The following NT5C3A variants were observed in gnomAD, a reference collection of about 807,000 sequenced individuals.
NT5C3A encodes the protein cytosolic 5'-nucleotidase 3A.
Under a neutral mutation model 40.0 loss-of-function variants are expected in NT5C3A, and 23 were observed. The observed-to-expected ratio is 0.58, with a 90% CI of 0.41 to 0.81. The LOEUF (loss-of-function observed/expected upper bound fraction) is 0.81, where lower values mean the gene tolerates loss of function less well. Ranked by LOEUF, NT5C3A falls within the 40% of genes least tolerant of loss-of-function variation. NT5C3A has a pLI of 0.00. For missense variants in NT5C3A, 328 were observed against 403.0 expected, an observed-to-expected ratio of 0.81 and a Z score of 1.59; for synonymous variants, 130 against 141.4, an observed-to-expected ratio of 0.92 and a Z score of 0.57.
intron 1 of NT5C3A, chr7:33,040,994 A>C: frequency 2.0e-6 from 2 of 985,428 alleles, no homozygotes; most frequent in African/African-American, 3.5e-5. Context: ...CTATGCAAAA[A>C]CCTTGTGACG....
intron 1 of NT5C3A, among the ~76,000 whole-genome samples, chr7:33,034,152 A>C (rs1175486278): frequency 6.6e-6 from 1 of 152,052 alleles, no homozygotes; most frequent in Non-Finnish European, 1.5e-5. Context: ...CGGCCTCTCA[A>C]AGTGCTGGGA....
intron 1 of NT5C3A, among the ~76,000 whole-genome samples, chr7:33,028,654 C>T (rs1174072871): frequency 1.3e-5 from 2 of 152,168 alleles, no homozygotes; most frequent in African/African-American, 4.8e-5. Context: ...GAGAATCTCA[C>T]CACGTAAATC....
At chr7:33,043,292 A>G (rs367710755) in intron 1 of NT5C3A, among the ~76,000 whole-genome samples, 5 of 152,342 alleles carry the variant, frequency 3.3e-5, no homozygotes, top group African/African-American at 2.4e-5. Context: ...ATCTTTATAC[A>G]AGTATAGGAA....
intron 1 of NT5C3A, among the ~76,000 whole-genome samples, chr7:33,040,054 G>A (rs1185809852): frequency 1.3e-5 from 2 of 151,998 alleles, no homozygotes; most frequent in Non-Finnish European, 2.9e-5. Context: ...AATTTATACT[G>A]ACAACCCTTA....
chr7:33,062,648 G>C lies in NT5C3A; in HGVS notation c.58C>G (p.Leu20Val), dbSNP rs1787830599. The C allele has an allele frequency of 6.3e-7, 1 of 1,598,014 alleles. No individual in the cohort carries two copies. Among genetic ancestry groups the C allele is most frequent in the African/African-American group, 1.3e-5 (1 of 74,304 alleles). ...TGAGCCAGCACCACCCCCGCCACCA[G>C]GGCGCACACGCTGGCGCTCGCTACC... ...GAVASASVCA[L>V]VAGVVLAQYI... The change falls in exon 1 of 9, where the codon CTG becomes GTG. Residue 20 changes from leucine (L) to valine (V), a missense_variant. Coordinates refer to ENST00000610140, the MANE Select transcript of NT5C3A (RefSeq NM_001002010.5).
chr7:33,061,031 A>G (rs1370304090), intron 1 of NT5C3A, among the ~76,000 whole-genome samples: 1 of 152,192 alleles, frequency 6.6e-6, no homozygotes, highest in East Asian at 1.9e-4. Flanking sequence ...AAAGATAGCA[A>G]ACTGTTCCTA....
rs1011152171 is a variant in NT5C3A, at chr7:33,035,193, T to G, written c.139-8278A>C. Among the ~76,000 whole-genome samples the G allele has an allele frequency of 3.4e-5, 5 of 144,964 alleles. No homozygotes were observed. In the South Asian group the frequency reaches 6.8e-4, roughly 20 times the overall value. On this transcript the variant is annotated intron_variant, in intron 1 of 8. Coordinates refer to ENST00000610140, the MANE Select transcript of NT5C3A (RefSeq NM_001002010.5). ...ATAGAAGCTAATAAGGAATGAGTTT[T>G]TTTTTTTTTTTTTTTTTTGAGACGG... is the stretch of plus-strand genomic sequence containing the variant.
At chr7:33,024,204 T>C (rs1785791854) in intron 2 of NT5C3A, 96 bp from the exon 3 acceptor site, 2 of 727,098 alleles carry the variant, frequency 2.8e-6, no homozygotes, top group Non-Finnish European at 2.5e-6. Context: ...CTTTCCTAGA[T>C]GCATAGGACT....
At chr7:33,041,640 C>T (rs572609687) in intron 1 of NT5C3A, among the ~76,000 whole-genome samples, 3 of 151,844 alleles carry the variant, frequency 2.0e-5, no homozygotes, top group South Asian at 4.2e-4. Context: ...TAAGACCAGC[C>T]ATAAAATCTG....
intron 1 of NT5C3A, among the ~76,000 whole-genome samples, chr7:33,054,011 GT>G (rs1323837923): frequency 1.3e-5 from 2 of 152,076 alleles, no homozygotes; most frequent in African/African-American, 4.8e-5. Flanking sequence ...ACATTTCCAC[GT>G]TTACAAATTT....
At chr7:33,023,205 C>A (rs1389059114) in intron 3 of NT5C3A, among the ~76,000 whole-genome samples, 1 of 152,002 alleles carries the variant, frequency 6.6e-6, no homozygotes, top group Non-Finnish European at 1.5e-5. Context: ...AGCCACTGTG[C>A]CTGGCGATTT....
In NT5C3A at chr7:33,014,170, A is replaced by G. The variant is rs1161621963; in HGVS notation, c.*560T>C. ...ATTTCATATTTATTATCAGTGCTTC[A>G]ATATAGAATGTTTTGTAATGATTAG... is the stretch of plus-strand genomic sequence containing the variant. On this transcript the variant is annotated 3_prime_UTR_variant, in exon 9 of 9. Coordinates refer to ENST00000610140, the MANE Select transcript of NT5C3A (RefSeq NM_001002010.5). 2.2e-6 allele frequency: 1 copy of G among 451,842 alleles called. No homozygotes were observed. Among genetic ancestry groups the G allele is most frequent in the African/African-American group, 2.0e-5 (1 of 49,904 alleles). 28.0% of individuals were successfully genotyped at this position (451,842 alleles called of 1,614,324 possible).
At chr7:33,039,250 T>TA (rs1786778050) in intron 1 of NT5C3A, among the ~76,000 whole-genome samples, 1 of 152,166 alleles carries the variant, frequency 6.6e-6, no homozygotes, top group Non-Finnish European at 1.5e-5. Context: ...AAGCAAGTCT[T>TA]AAAGTACCTG....
At chr7:33,060,913 C>T (rs1031696245) in intron 1 of NT5C3A, among the ~76,000 whole-genome samples, 3 of 152,176 alleles carry the variant, frequency 2.0e-5, no homozygotes, top group African/African-American at 4.8e-5. Flanking sequence ...TAGCAGGCTA[C>T]ACATATATTA....
intron 1 of NT5C3A, among the ~76,000 whole-genome samples, chr7:33,033,100 T>A (rs17470945): frequency 0.029 from 4,346 of 152,288 alleles, 89 homozygotes; most frequent in South Asian, 0.12. Flanking sequence ...TTTCTGGAAA[T>A]AGCCCACATA....
chr7:33,052,116 T>A (rs1053616564), intron 1 of NT5C3A, among the ~76,000 whole-genome samples: 1 of 152,154 alleles, frequency 6.6e-6, no homozygotes, highest in African/African-American at 2.4e-5. Flanking sequence ...AGGATATACA[T>A]GTGTATTTCT....
intron 6 of NT5C3A, 53 bp downstream of exon 6, chr7:33,019,582 G>T (rs777508029): frequency 1.7e-5 from 17 of 1,007,080 alleles, no homozygotes; most frequent in Non-Finnish European, 2.7e-5. Flanking sequence ...TACATAAATA[G>T]CAATAATTCA....
intron 1 of NT5C3A, chr7:33,041,108 G>A (rs895520480): frequency 2.1e-5 from 21 of 984,602 alleles, no homozygotes; most frequent in Non-Finnish European, 2.5e-5. Context: ...GTTATGTGAC[G>A]ATTAAAGAGA....
chr7:33,030,346 A>G (rs893940138), intron 1 of NT5C3A, among the ~76,000 whole-genome samples: 14 of 152,226 alleles, frequency 9.2e-5, no homozygotes, highest in African/African-American at 3.4e-4. Context: ...TTACCTCCAC[A>G]AAGTCCTTCT....
Sources: allele counts gnomAD v4.1 joint callset (sites outside exome capture counted in the v4.1 genomes callset), GRCh38; gene constraint gnomAD v4.1.1; transcripts MANE v1.5; gene names NCBI Gene and HGNC (gene_info 2026-07-23, HGNC 2026-07-21).